Variants in SOCS4 observed in about 807,000 individuals in gnomAD.
SOCS4 encodes SH2 domain containing SOCS box protein.
In SOCS4, 20 loss-of-function variants were observed where a neutral mutation model predicts 34.1. That is an observed-to-expected ratio of 0.59 (90% CI 0.41 to 0.85). The LOEUF is 0.85. Among genes scored for constraint, SOCS4 ranks in the 40% least tolerant of loss-of-function variants. The probability of loss-of-function intolerance (pLI) is 0.00; values close to 1 mark genes in which losing one functional copy is unlikely to be tolerated. For missense variants in SOCS4, 479 were observed against 532.4 expected, an observed-to-expected ratio of 0.90 and a Z score of 0.99; for synonymous variants, 180 against 186.4, an observed-to-expected ratio of 0.97 and a Z score of 0.28.
At chr14:55,037,846 T>C (rs1244507146) in intron 2 of SOCS4, among the ~76,000 whole-genome samples, 1 of 152,262 alleles carries the variant, frequency 6.6e-6, no homozygotes, top group South Asian at 2.1e-4. Flanking sequence ...TATCTTTTCT[T>C]GACTTGAAGT....
At chr14:55,030,356 A>G (rs1007997430) in intron 1 of SOCS4, among the ~76,000 whole-genome samples, 1 of 152,130 alleles carries the variant, frequency 6.6e-6, no homozygotes, top group Non-Finnish European at 1.5e-5. Flanking sequence ...TGTTTTAAAG[A>G]ATTTAAAACT....
In SOCS4 at chr14:55,043,961, C is replaced by T; in HGVS notation, c.920C>T (p.Thr307Ile). 2 of 1,614,076 alleles carry T rather than the reference C, an allele frequency of 1.2e-6. No individual in the cohort carries two copies. Among genetic ancestry groups the T allele is most frequent in the Non-Finnish European group, 1.7e-6 (2 of 1,179,986 alleles). Residue 307 changes from threonine to isoleucine, a missense_variant, in exon 3 of 3, where the codon ACC (threonine) becomes ATC (isoleucine). Physicochemically the swap from Thr to Ile is moderately conservative, Grantham distance 89. Transcript: ENST00000555846. Reference protein sequence around the residue: ...EALLEGKPEGTFLLRDSAQED... With the variant: ...EALLEGKPEGIFLLRDSAQED... The stretch of plus-strand genomic sequence containing the variant: ...CTACTGGAAGGAAAACCAGAGGGTA[C>T]CTTTTTACTTCGAGACTCAGCACAG...
intron 1 of SOCS4, among the ~76,000 whole-genome samples, 157 bp from the exon 2 acceptor site, chr14:55,031,706 G>A (rs892082137): frequency 6.6e-6 from 1 of 152,178 alleles, no homozygotes; most frequent in Non-Finnish European, 1.5e-5. Context: ...AGTCCCATGA[G>A]CCCTGGCTCA....
intron 1 of SOCS4, among the ~76,000 whole-genome samples, chr14:55,028,494 C>T (rs2042492536): frequency 6.6e-6 from 1 of 151,792 alleles, no homozygotes; most frequent in South Asian, 2.1e-4. Context: ...ATATCATTGG[C>T]TAGAGTACAT....
chr14:55,034,336 A>G (rs781392758), intron 2 of SOCS4, among the ~76,000 whole-genome samples: 3 of 152,174 alleles, frequency 2.0e-5, no homozygotes, highest in Non-Finnish European at 2.9e-5. Flanking sequence ...TTTTAGACAA[A>G]TATAAATAGA....
chr14:55,032,571 A>T (rs2042537340), intron 2 of SOCS4, among the ~76,000 whole-genome samples: 1 of 152,154 alleles, frequency 6.6e-6, no homozygotes, highest in African/African-American at 2.4e-5. Flanking sequence ...CCCCAGGGCA[A>T]TGTAACATAG....
At chr14:55,042,036 A>G (rs1480827752) in intron 2 of SOCS4, among the ~76,000 whole-genome samples, 1 of 151,812 alleles carries the variant, frequency 6.6e-6, no homozygotes, top group Non-Finnish European at 1.5e-5. Flanking sequence ...GACCTCAGGT[A>G]ATCCGCCTGC....
intron 1 of SOCS4, among the ~76,000 whole-genome samples, chr14:55,028,111 A>G (rs1455054855): frequency 6.6e-6 from 1 of 151,862 alleles, no homozygotes; most frequent in Non-Finnish European, 1.5e-5. Flanking sequence ...AATCACATTT[A>G]TTTTATTACC....
Position 55,043,922 on chromosome 14 carries a change from A to G in SOCS4, c.881A>G (p.Tyr294Cys), listed in dbSNP as rs1353878613. 3.7e-6 allele frequency: 6 copies of G among 1,614,190 alleles called. No homozygotes were observed. Among genetic ancestry groups the G allele is most frequent in the Non-Finnish European group, 5.1e-6 (6 of 1,180,022 alleles). The change falls in exon 3 of 3, where the codon TAC becomes TGC. Residue 294 changes from tyrosine (Y) to cysteine (C), a missense_variant. Tyr to Cys is a radical substitution (Grantham distance 194). Transcript: ENST00000555846. ...NPCYWGVMDK[Y>C]AAEALLEGKP... ...TGTTACTGGGGAGTGATGGATAAATACGCAGCCGAAGCACTACTGGAAGGA... is the reference window on the plus strand; with the variant it reads ...TGTTACTGGGGAGTGATGGATAAATGCGCAGCCGAAGCACTACTGGAAGGA...
intron 2 of SOCS4, among the ~76,000 whole-genome samples, chr14:55,034,977 C>G (rs549797220): frequency 5.3e-5 from 8 of 151,952 alleles, no homozygotes; most frequent in African/African-American, 1.4e-4. Flanking sequence ...TCTTCTGCCT[C>G]AGCCTCCCAA....
chr14:55,031,388 G>A (rs1200088237), intron 1 of SOCS4, among the ~76,000 whole-genome samples: 1 of 152,196 alleles, frequency 6.6e-6, no homozygotes, highest in African/African-American at 2.4e-5. Flanking sequence ...AGGATTTATG[G>A]CAAAGTAAAG....
chr14:55,039,848 A>G (rs556944339), intron 2 of SOCS4, among the ~76,000 whole-genome samples: 4 of 152,226 alleles, frequency 2.6e-5, no homozygotes, highest in Admixed American at 1.3e-4. Flanking sequence ...GTGAGCCGAG[A>G]TCGTGCCACT....
chr14:55,030,338 C>T (rs886284986), intron 1 of SOCS4, among the ~76,000 whole-genome samples: 3 of 152,038 alleles, frequency 2.0e-5, no homozygotes, highest in Non-Finnish European at 4.4e-5. Flanking sequence ...TAAAAAACTA[C>T]AATTTTTTGT....
In SOCS4 at chr14:55,044,462, G is replaced by A; in HGVS notation, c.*98G>A. Reference sequence around the variant, plus strand: ...TTTGGATTTTTCTACAAAGGCAGTGGTGTCCAAAATAAAATCTCTGCCCTA... The same window carrying A: ...TTTGGATTTTTCTACAAAGGCAGTGATGTCCAAAATAAAATCTCTGCCCTA... On this transcript the variant is annotated 3_prime_UTR_variant, in exon 3 of 3. Coordinates refer to ENST00000555846, the MANE Select transcript of SOCS4 (RefSeq NM_199421.2). The A allele has an allele frequency of 1.1e-6, 1 of 926,304 alleles. No homozygotes were observed. The highest frequency in any genetic ancestry group is 1.4e-6 in the Non-Finnish European group (1 of 690,364). The allele number at this position is 926,304 out of a possible 1,614,324, so 57.4% of individuals were successfully genotyped here.
At chr14:55,032,308 T>C (rs913760282) in intron 2 of SOCS4, among the ~76,000 whole-genome samples, 3 of 152,202 alleles carry the variant, frequency 2.0e-5, no homozygotes, top group African/African-American at 7.2e-5. Context: ...AAATTTTGAA[T>C]TAAAATCACC....
At chr14:55,028,302 T>C (rs76632389) in intron 1 of SOCS4, among the ~76,000 whole-genome samples, 2,394 of 152,266 alleles carry the variant, frequency 0.016, 57 homozygotes, top group South Asian at 0.046. Flanking sequence ...TGTATATGAA[T>C]GAAGAGGAAG....
chr14:55,038,230 G>A (rs1566754842), intron 2 of SOCS4, among the ~76,000 whole-genome samples: 1 of 152,166 alleles, frequency 6.6e-6, no homozygotes, highest in Non-Finnish European at 1.5e-5. Context: ...ATCTCCACCT[G>A]GCTGCACCCT....
At chr14:55,028,874 A>G (rs1343478170) in intron 1 of SOCS4, among the ~76,000 whole-genome samples, 3 of 152,156 alleles carry the variant, frequency 2.0e-5, no homozygotes, top group African/African-American at 4.8e-5. Flanking sequence ...CCTCATCTCT[A>G]AAATGGAGAT....
At position 55,043,113 on chromosome 14, in the gene SOCS4, CGACAGAAAAGACGGTTATGTGTGGAGTG is replaced by C; in HGVS notation, c.75_102del (p.Asp25GlufsTer19). ...CCAAAACTAGTCGGAGCAGAAGTGC[CGACAGAAAAGACGGTTATGTGTGGAGTG>C]GAAAGAAGTTATCTTGGTCAAAAAA... is the stretch of plus-strand genomic sequence containing the variant. On this transcript the variant is annotated frameshift_variant, in exon 3 of 3. Transcript: ENST00000555846. LOFTEE classifies it high-confidence loss of function. The C allele has an allele frequency of 6.2e-7, 1 of 1,614,010 alleles. No homozygotes were observed. The highest frequency in any genetic ancestry group is 1.3e-5 in the African/African-American group (1 of 74,980).
Sources: gnomAD v4.1 joint callset for allele counts (sites outside exome capture counted in the v4.1 genomes callset) on GRCh38, gnomAD v4.1.1 for gene constraint, MANE v1.5 for transcripts, NCBI Gene and HGNC (gene_info 2026-07-23, HGNC 2026-07-21) for gene names.